DNAJC13: variants seen among roughly 807,000 people sequenced by gnomAD.
DNAJC13 encodes the protein DnaJ heat shock protein family (Hsp40) member C13.
A neutral mutation model predicts 290.5 loss-of-function variants in DNAJC13; 75 were observed. The observed-to-expected ratio is 0.26, with a 90% confidence interval of 0.21 to 0.31. DNAJC13 has a LOEUF of 0.31. Among genes scored for constraint, DNAJC13 ranks in the 10% least tolerant of loss-of-function variants. DNAJC13 has a pLI of 1.00. For missense variants in DNAJC13, 2,260 were observed against 2,674.5 expected (o/e 0.85, Z 3.42); for synonymous variants, 862 against 892.0 (o/e 0.97, Z 0.60).
chr3:132,486,044 A>G (rs1293669454), intron 29 of DNAJC13, among the ~76,000 whole-genome samples: 1 of 129,608 alleles, frequency 7.7e-6, no homozygotes, highest in Non-Finnish European at 1.6e-5. Context: ...TAAGTCATTG[A>G]TGCTGAAAAA....
chr3:132,515,156 A>T (rs1935884074), intron 46 of DNAJC13, among the ~76,000 whole-genome samples: 1 of 152,178 alleles, frequency 6.6e-6, no homozygotes, highest in Non-Finnish European at 1.5e-5. Context: ...AATCTATATA[A>T]TTACCTAGTC....
chr3:132,438,680 T>C (rs1370467827), intron 2 of DNAJC13, among the ~76,000 whole-genome samples: 3 of 152,238 alleles, frequency 2.0e-5, no homozygotes, highest in Non-Finnish European at 2.9e-5. Flanking sequence ...CTTGAAGATA[T>C]TTGTGTGACC....
chr3:132,518,785 C>T (rs1209537697), intron 48 of DNAJC13, among the ~76,000 whole-genome samples: 1 of 152,176 alleles, frequency 6.6e-6, no homozygotes, highest in Non-Finnish European at 1.5e-5. Flanking sequence ...CGATCATAAT[C>T]AATTTTAGGT....
At position 132,482,242 on chromosome 3, in the gene DNAJC13, C is replaced by T; in HGVS notation, c.2891C>T (p.Ala964Val). The T allele has an allele frequency of 6.2e-7, 1 of 1,612,922 alleles. No individual in the cohort carries two copies. The highest frequency in any genetic ancestry group is 8.5e-7 in the Non-Finnish European group (1 of 1,179,408). Residue 964 changes from alanine (A) to valine (V), a missense_variant, in exon 27 of 56, where the codon GCT becomes GTT. Physicochemically the swap from Ala to Val is moderately conservative, Grantham distance 64. Around this residue, in one of 3 missense-constraint regions of DNAJC13, gnomAD observed 1,494 missense variants for 1,693.7 expected, o/e 0.88. Transcript: ENST00000260818. ...TVPLQSNVIE[A>V]APDMKRESEK... Reference sequence around the variant, plus strand: ...TAAACTTAGAGCAATGTAATTGAAGCTGCTCCAGATATGAAAAGAGAGAGT... The same window carrying T: ...TAAACTTAGAGCAATGTAATTGAAGTTGCTCCAGATATGAAAAGAGAGAGT...
chr3:132,520,777 A>G (rs1936065963), intron 48 of DNAJC13, among the ~76,000 whole-genome samples: 2 of 152,326 alleles, frequency 1.3e-5, no homozygotes, highest in Middle Eastern at 3.4e-3. Flanking sequence ...TAGCTCTTAA[A>G]TAAGACATTT....
intron 48 of DNAJC13, among the ~76,000 whole-genome samples, chr3:132,519,126 G>C (rs1207830489): frequency 6.6e-6 from 1 of 152,160 alleles, no homozygotes; most frequent in Non-Finnish European, 1.5e-5. Flanking sequence ...TTTGTGTACA[G>C]GTTTTTGTGT....
At chr3:132,432,851 G>T (rs1939277889) in intron 1 of DNAJC13, among the ~76,000 whole-genome samples, 1 of 152,158 alleles carries the variant, frequency 6.6e-6, no homozygotes, top group South Asian at 2.1e-4. Context: ...TCTATATCCT[G>T]TTCAACCAGA....
At chr3:132,489,044 A>C in intron 31 of DNAJC13, 23 bp downstream of exon 31, 1 of 1,602,322 alleles carries the variant, frequency 6.2e-7, no homozygotes, top group Non-Finnish European at 8.5e-7. Flanking sequence ...AATCCTCTGA[A>C]TACTTAACCC....
chr3:132,525,281 G>A (rs1244335497), intron 51 of DNAJC13, among the ~76,000 whole-genome samples: 1 of 152,096 alleles, frequency 6.6e-6, no homozygotes, highest in Non-Finnish European at 1.5e-5. Context: ...CAGAGGTTGT[G>A]GTGAGCCGAG....
At chr3:132,522,704 G>T (rs1430248752) in intron 48 of DNAJC13, 124 bp from the exon 49 acceptor site, 3 of 769,788 alleles carry the variant, frequency 3.9e-6, no homozygotes, top group Non-Finnish European at 6.0e-6. Context: ...TTTAGGTAAT[G>T]GTTATGGCCC....
At chr3:132,518,431 C>CA (rs1935988891) in intron 48 of DNAJC13, among the ~76,000 whole-genome samples, 1 of 152,186 alleles carries the variant, frequency 6.6e-6, no homozygotes, top group Non-Finnish European at 1.5e-5. Flanking sequence ...TAGCTCACTG[C>CA]AGCCTCTGTC....
At chr3:132,470,644 G>A (rs2107683051) in intron 20 of DNAJC13, among the ~76,000 whole-genome samples, 1 of 142,646 alleles carries the variant, frequency 7.0e-6, no homozygotes, top group East Asian at 2.2e-4. Flanking sequence ...CTCCCGGACG[G>A]GGCGGCTGGC....
Position 132,456,596 on chromosome 3 carries a change from T to C in DNAJC13, c.1179+16T>C. 6.2e-7 allele frequency: 1 copy of C among 1,613,558 alleles called. No individual in the cohort carries two copies. Among genetic ancestry groups the C allele is most frequent in the Non-Finnish European group, 8.5e-7 (1 of 1,179,724 alleles). On this transcript the variant is annotated intron_variant, in intron 11 of 55. Coordinates refer to ENST00000260818, the MANE Select transcript of DNAJC13 (RefSeq NM_015268.4). ...AACACAAGATGTAAGCTAAGTTTTA[T>C]CATAATTGTTCATTGTTACTAACTT... is the stretch of plus-strand genomic sequence containing the variant.
chr3:132,482,627 G>A (rs750353219), intron 27 of DNAJC13, among the ~76,000 whole-genome samples: 1 of 152,168 alleles, frequency 6.6e-6, no homozygotes, highest in East Asian at 1.9e-4. Context: ...TTCCGGCACT[G>A]TGGGAGGATC....
chr3:132,435,343 CTT>C (rs1367390779), intron 2 of DNAJC13, among the ~76,000 whole-genome samples: 17 of 152,180 alleles, frequency 1.1e-4, no homozygotes, highest in African/African-American at 3.9e-4. Flanking sequence ...GTGTGTCACA[CTT>C]TTACAAATCA....
rs567427957 is a variant in DNAJC13, at chr3:132,454,822, C to T, written c.932+665C>T. 5.9e-5 allele frequency among the ~76,000 whole-genome samples: 9 copies of T among 151,942 alleles called. No individual in the cohort carries two copies. The South Asian group carries it at 1.9e-3, about 32-fold the overall frequency. On this transcript the variant is annotated intron_variant, in intron 9 of 55. Transcript: ENST00000260818. ...AAAAAAAAAGTATGGATGTTCTAATCAGAGGAAGGATCTTAACACTCTGTT... is the reference window on the plus strand; with the variant it reads ...AAAAAAAAAGTATGGATGTTCTAATTAGAGGAAGGATCTTAACACTCTGTT...
At chr3:132,419,034 T>A (rs941862279) in intron 1 of DNAJC13, among the ~76,000 whole-genome samples, 3 of 152,250 alleles carry the variant, frequency 2.0e-5, no homozygotes, top group Non-Finnish European at 2.9e-5. Flanking sequence ...TGTTCACATT[T>A]TGTGTAATGT....
At chr3:132,484,874 C>T (rs889828294) in intron 29 of DNAJC13, among the ~76,000 whole-genome samples, 2 of 151,916 alleles carry the variant, frequency 1.3e-5, no homozygotes, top group African/African-American at 4.8e-5. Flanking sequence ...TTCGAGACCA[C>T]TTTGGTCAAC....
intron 42 of DNAJC13, among the ~76,000 whole-genome samples, 156 bp from the exon 43 acceptor site, chr3:132,507,081 C>T (rs2107726957): frequency 6.6e-6 from 1 of 152,202 alleles, no homozygotes; most frequent in East Asian, 1.9e-4. Flanking sequence ...TAATTGTATG[C>T]CTATTCCAAA....
Sources: gnomAD v4.1 joint callset for allele counts (sites outside exome capture counted in the v4.1 genomes callset) on GRCh38, gnomAD v4.1.1 for gene constraint, gnomAD v4.1.1 regional missense constraint, MANE v1.5 for transcripts, NCBI Gene and HGNC (gene_info 2026-07-23, HGNC 2026-07-21) for gene names.